The following NRG3 variants were observed in gnomAD, a reference collection of about 807,000 sequenced individuals.
The protein encoded by NRG3 is pro-neuregulin-3, membrane-bound isoform.
In NRG3, 31 loss-of-function variants were observed where a neutral mutation model predicts 66.9. That is an observed-to-expected ratio of 0.46 (90% CI 0.35 to 0.63). The LOEUF is 0.63. NRG3 is among the 20% of genes least tolerant of loss of function. The probability of loss-of-function intolerance (pLI) is 0.00; values close to 1 mark genes in which losing one functional copy is unlikely to be tolerated. For missense variants in NRG3, 910 were observed against 878.9 expected, an observed-to-expected ratio of 1.04 and a Z score of -0.45; for synonymous variants, 393 against 359.4, an observed-to-expected ratio of 1.09 and a Z score of -1.06.
At chr10:82,068,218 T>C (rs951964406) in intron 1 of NRG3, among the ~76,000 whole-genome samples, 3 of 152,220 alleles carry the variant, frequency 2.0e-5, no homozygotes, top group Admixed American at 1.3e-4. Context: ...CAGTAGAACA[T>C]AACTGTTTAG....
chr10:82,910,082 G>T (rs750390507), intron 4 of NRG3, among the ~76,000 whole-genome samples: 4 of 152,132 alleles, frequency 2.6e-5, no homozygotes, highest in Non-Finnish European at 4.4e-5. Context: ...TCATATTCTG[G>T]CCATGAAACA....
intron 2 of NRG3, among the ~76,000 whole-genome samples, chr10:82,615,884 C>T (rs140070756): frequency 2.0e-5 from 3 of 152,268 alleles, no homozygotes; most frequent in African/African-American, 7.2e-5. Flanking sequence ...ATGCTGATTA[C>T]CTGACCTTTT....
intron 2 of NRG3, among the ~76,000 whole-genome samples, chr10:82,617,845 G>A (rs623997): frequency 0.094 from 14,227 of 152,098 alleles, 703 homozygotes; most frequent in East Asian, 0.14. Context: ...TGTCTACTCC[G>A]GCAAATGCGT....
chr10:82,871,534 G>A (rs1324663228), intron 4 of NRG3, among the ~76,000 whole-genome samples: 4 of 152,004 alleles, frequency 2.6e-5, no homozygotes, highest in Non-Finnish European at 5.9e-5. Context: ...ACAATATTGA[G>A]TATTCCTATT....
chr10:82,223,399 T>A (rs991782799), intron 1 of NRG3, among the ~76,000 whole-genome samples: 7 of 152,156 alleles, frequency 4.6e-5, no homozygotes, highest in African/African-American at 1.7e-4. Flanking sequence ...ACCCTAGATC[T>A]GTATTTGGAA....
At chr10:82,817,958 C>A (rs1293698884) in intron 3 of NRG3, among the ~76,000 whole-genome samples, 1 of 152,238 alleles carries the variant, frequency 6.6e-6, no homozygotes, top group Non-Finnish European at 1.5e-5. Context: ...TGGCTTCACT[C>A]AAGCCTGCGG....
intron 1 of NRG3, among the ~76,000 whole-genome samples, chr10:82,055,669 T>A (rs1284105679): frequency 6.6e-6 from 1 of 151,970 alleles, no homozygotes; most frequent in Non-Finnish European, 1.5e-5. Flanking sequence ...ATAATTAGAA[T>A]AGGAAGTAGA....
At chr10:82,771,160 G>A (rs2059699081) in intron 3 of NRG3, among the ~76,000 whole-genome samples, 1 of 152,006 alleles carries the variant, frequency 6.6e-6, no homozygotes, top group South Asian at 2.1e-4. Context: ...GTATAAATTT[G>A]TTATACTTTT....
intron 1 of NRG3, among the ~76,000 whole-genome samples, chr10:82,350,817 G>A (rs1258816183): frequency 3.3e-5 from 5 of 152,198 alleles, no homozygotes; most frequent in South Asian, 4.2e-4. Context: ...TATCAATCTC[G>A]TGTAATGAAG....
At chr10:82,339,895 A>G (rs544132941) in intron 1 of NRG3, among the ~76,000 whole-genome samples, 3 of 152,128 alleles carry the variant, frequency 2.0e-5, no homozygotes, top group South Asian at 4.2e-4. Flanking sequence ...TCAATATGCC[A>G]TCTAGGGTGG....
At chr10:82,081,383 C>A (rs1406679761) in intron 1 of NRG3, among the ~76,000 whole-genome samples, 1 of 149,990 alleles carries the variant, frequency 6.7e-6, no homozygotes, top group Non-Finnish European at 1.5e-5. Flanking sequence ...TTTTTTTTTT[C>A]CAGTTACAGG....
At chr10:82,060,151 A>T (rs1178941471) in intron 1 of NRG3, among the ~76,000 whole-genome samples, 3 of 152,244 alleles carry the variant, frequency 2.0e-5, no homozygotes, top group Non-Finnish European at 4.4e-5. Flanking sequence ...TTGTCTACAA[A>T]GCCATTTCTC....
At chr10:82,302,175 G>A (rs945841486) in intron 1 of NRG3, among the ~76,000 whole-genome samples, 2 of 151,456 alleles carry the variant, frequency 1.3e-5, no homozygotes, top group Admixed American at 1.3e-4. Flanking sequence ...AGCAGAAAAA[G>A]TTAATGTAGT....
chr10:82,269,363 G>A (rs1205185880), intron 1 of NRG3, among the ~76,000 whole-genome samples: 2 of 152,244 alleles, frequency 1.3e-5, no homozygotes, highest in African/African-American at 4.8e-5. Flanking sequence ...CAGTCATAAT[G>A]TTCTGCTGTT....
intron 3 of NRG3, among the ~76,000 whole-genome samples, chr10:82,841,369 G>A (rs181445034): frequency 3.0e-4 from 45 of 152,252 alleles, no homozygotes; most frequent in East Asian, 2.1e-3. Flanking sequence ...ACCAAAATGC[G>A]TATCAGCGTT....
chr10:81,884,862 G>A (rs1282004374), intron 1 of NRG3, among the ~76,000 whole-genome samples: 1 of 152,150 alleles, frequency 6.6e-6, no homozygotes, highest in Admixed American at 6.6e-5. Context: ...TGTCACCACA[G>A]TCAGGGTACT....
chr10:81,876,199 C>T (rs896549246), intron 1 of NRG3, 36 bp downstream of exon 1: 2 of 1,534,738 alleles, frequency 1.3e-6, no homozygotes, highest in Admixed American at 2.0e-5. Flanking sequence ...TGATTTACTA[C>T]TGAGTTTCCC....
At chr10:82,351,922 A>C (rs1486166307) in intron 1 of NRG3, among the ~76,000 whole-genome samples, 2 of 152,172 alleles carry the variant, frequency 1.3e-5, no homozygotes. Flanking sequence ...TTTGTAGGCC[A>C]CTCAGTTAGC....
At chr10:82,116,904 T>A (rs528572502) in intron 1 of NRG3, among the ~76,000 whole-genome samples, 1 of 152,220 alleles carries the variant, frequency 6.6e-6, no homozygotes, top group Admixed American at 6.5e-5. Context: ...ACCTGGAGCT[T>A]TGCTTTCATT....
Sources: allele counts gnomAD v4.1 joint callset (sites outside exome capture counted in the v4.1 genomes callset), GRCh38; gene constraint gnomAD v4.1.1; transcripts MANE v1.5; gene names NCBI Gene and HGNC (gene_info 2026-07-23, HGNC 2026-07-21).